The following PCCA variants were observed in gnomAD, a reference collection of about 807,000 sequenced individuals.
PCCA encodes the protein propionyl-CoA carboxylase subunit alpha, also known as propionyl-CoA carboxylase alpha chain, mitochondrial.
Under a neutral mutation model 101.3 loss-of-function variants are expected in PCCA, and 74 were observed. The observed-to-expected ratio is 0.73, with a 90% confidence interval of 0.61 to 0.89. The LOEUF is 0.89. PCCA is among the 40% of genes least tolerant of loss of function. The pLI is 0.00. For synonymous variants in PCCA, 294 were observed against 313.6 expected (o/e 0.94, Z 0.66); for missense variants, 891 against 907.0 (o/e 0.98, Z 0.23).
chr13:100,181,671 T>C (rs551608269), intron 6 of PCCA, among the ~76,000 whole-genome samples: 2 of 151,882 alleles, frequency 1.3e-5, no homozygotes, highest in African/African-American at 4.8e-5. Context: ...GATCCGCTTG[T>C]CTTGATTCCT....
At chr13:100,494,462 T>A (rs1593992514) in intron 21 of PCCA, among the ~76,000 whole-genome samples, 1 of 152,158 alleles carries the variant, frequency 6.6e-6, no homozygotes, top group East Asian at 2.0e-4. Flanking sequence ...GGCAGGTGGA[T>A]CACCTGAGGT....
At chr13:100,406,090 C>G (rs2077661423) in intron 19 of PCCA, among the ~76,000 whole-genome samples, 1 of 152,080 alleles carries the variant, frequency 6.6e-6, no homozygotes, top group Non-Finnish European at 1.5e-5. Context: ...TTACTGACCA[C>G]AGGTCAGTAA....
At chr13:100,099,222 C>T (rs2047048185) in intron 1 of PCCA, among the ~76,000 whole-genome samples, 1 of 151,838 alleles carries the variant, frequency 6.6e-6, no homozygotes, top group African/African-American at 2.4e-5. Context: ...AAATAGTGTT[C>T]AGATTGTTCT....
At chr13:100,153,083 T>A (rs1413159556) in intron 4 of PCCA, among the ~76,000 whole-genome samples, 1 of 151,946 alleles carries the variant, frequency 6.6e-6, no homozygotes, top group Non-Finnish European at 1.5e-5. Context: ...GAAAAAAAAA[T>A]AATAAAAGTT....
Position 100,307,454 on chromosome 13 carries a change from T to A in PCCA, c.1353+194T>A, listed in dbSNP as rs561740199. Among the ~76,000 whole-genome samples, 8 of 152,250 alleles carry A rather than the reference T, an allele frequency of 5.3e-5. No homozygotes were observed. In the South Asian group the frequency reaches 1.5e-3, roughly 28 times the overall value. On this transcript the variant is annotated intron_variant, in intron 15 of 23. Coordinates refer to ENST00000376285, the MANE Select transcript of PCCA (RefSeq NM_000282.4). The stretch of plus-strand genomic sequence containing the variant: ...GCGTTATGTTAGTTTGTAGTACTCC[T>A]CCTCCCCAACTAAATCATGCCACAC...
chr13:100,321,506 A>G (rs1306480050), intron 16 of PCCA, among the ~76,000 whole-genome samples: 3 of 151,870 alleles, frequency 2.0e-5, no homozygotes, highest in African/African-American at 7.3e-5. Context: ...AAACATAGTT[A>G]TTATGTATGG....
intron 23 of PCCA, among the ~76,000 whole-genome samples, chr13:100,529,541 A>G (rs143381242): frequency 6.6e-6 from 1 of 152,234 alleles, no homozygotes; most frequent in East Asian, 1.9e-4. Flanking sequence ...CCACCCACCC[A>G]TGGTGCTGGA....
At chr13:100,415,610 GTC>G (rs1417133664) in intron 19 of PCCA, among the ~76,000 whole-genome samples, 1 of 152,066 alleles carries the variant, frequency 6.6e-6, no homozygotes, top group Non-Finnish European at 1.5e-5. Flanking sequence ...TATGATCAAA[GTC>G]TTTTTAAAAA....
chr13:100,395,614 AT>A (rs967176415), intron 19 of PCCA, among the ~76,000 whole-genome samples: 4 of 152,146 alleles, frequency 2.6e-5, no homozygotes, highest in African/African-American at 9.7e-5. Context: ...GCTCAGGAAT[AT>A]TTTATTACAT....
intron 6 of PCCA, among the ~76,000 whole-genome samples, chr13:100,207,887 G>A (rs1383195467): frequency 5.3e-5 from 8 of 151,906 alleles, no homozygotes; most frequent in East Asian, 2.0e-4. Context: ...GCGTGGTGGC[G>A]CGCTCCTGTA....
intron 8 of PCCA, among the ~76,000 whole-genome samples, chr13:100,245,377 T>G (rs192801585): frequency 3.2e-4 from 49 of 152,306 alleles, no homozygotes; most frequent in Non-Finnish European, 5.9e-4. Context: ...CTAAATTTAA[T>G]TGGAGTTTGT....
At chr13:100,428,197 G>A (rs1239850849) in intron 20 of PCCA, among the ~76,000 whole-genome samples, 1 of 151,956 alleles carries the variant, frequency 6.6e-6, no homozygotes, top group African/African-American at 2.4e-5. Context: ...CCCCCAGGTA[G>A]CTGGGACTAC....
intron 19 of PCCA, among the ~76,000 whole-genome samples, chr13:100,383,738 A>T (rs2076354908): frequency 6.6e-6 from 1 of 152,296 alleles, no homozygotes; most frequent in African/African-American, 2.4e-5. Context: ...TAGATGCTTG[A>T]GGTGGAAGGA....
At chr13:100,260,745 A>G (rs140018326) in intron 9 of PCCA, among the ~76,000 whole-genome samples, 1 of 152,096 alleles carries the variant, frequency 6.6e-6, no homozygotes, top group Non-Finnish European at 1.5e-5. Flanking sequence ...GGATTAAATG[A>G]TATTATTTTA....
At chr13:100,166,727 G>GTGC (rs753584760) in intron 6 of PCCA, among the ~76,000 whole-genome samples, 7 of 152,148 alleles carry the variant, frequency 4.6e-5, no homozygotes, top group African/African-American at 1.7e-4. Flanking sequence ...ACAACTAGAG[G>GTGC]TGCTATGAAC....
At chr13:100,410,289 C>A (rs1220983999) in intron 19 of PCCA, among the ~76,000 whole-genome samples, 1 of 151,974 alleles carries the variant, frequency 6.6e-6, no homozygotes, top group African/African-American at 2.4e-5. Flanking sequence ...TGTCCCCAGG[C>A]TGGAGTGCAT....
At chr13:100,117,513 T>TATC (rs1566505384) in intron 4 of PCCA, among the ~76,000 whole-genome samples, 1 of 151,690 alleles carries the variant, frequency 6.6e-6, no homozygotes, top group East Asian at 1.9e-4. Context: ...CTCAGCAAAC[T>TATC]ATCACAGGGA....
chr13:100,478,687 C>A (rs138595513), intron 21 of PCCA, among the ~76,000 whole-genome samples: 1 of 152,168 alleles, frequency 6.6e-6, no homozygotes, highest in African/African-American at 2.4e-5. Flanking sequence ...CAGGAGCGGT[C>A]ACCCTGGGAG....
chr13:100,185,120 C>G (rs1477302964), intron 6 of PCCA, among the ~76,000 whole-genome samples: 1 of 152,190 alleles, frequency 6.6e-6, no homozygotes, highest in Non-Finnish European at 1.5e-5. Flanking sequence ...TTTGCATGTT[C>G]CCTTCAAATG....
Sources: gnomAD v4.1 joint callset for allele counts (sites outside exome capture counted in the v4.1 genomes callset) on GRCh38, gnomAD v4.1.1 for gene constraint, MANE v1.5 for transcripts, NCBI Gene and HGNC (gene_info 2026-07-23, HGNC 2026-07-21) for gene names.